ARHGAP10: variants seen among roughly 807,000 people sequenced by gnomAD.
ARHGAP10 encodes Rho GTPase activating protein 10.
In ARHGAP10, 87 loss-of-function variants were observed where a neutral mutation model predicts 108.6. The ratio of observed to expected loss-of-function variants is 0.80; its 90% CI spans 0.67 to 0.96. The LOEUF (loss-of-function observed/expected upper bound fraction) is 0.96, where lower values mean the gene tolerates loss of function less well. ARHGAP10 is among the 40% of genes least tolerant of loss of function. The probability of loss-of-function intolerance (pLI) is 0.00; values close to 1 mark genes in which losing one functional copy is unlikely to be tolerated. For synonymous variants in ARHGAP10, 347 were observed against 341.1 expected (o/e 1.02, Z -0.19); for missense variants, 939 against 954.5 (o/e 0.98, Z 0.21).
chr4:147,999,926 GTTTTTTTTT>G (rs11298127), intron 18 of ARHGAP10, among the ~76,000 whole-genome samples: 1 of 143,456 alleles, frequency 7.0e-6, no homozygotes, highest in Non-Finnish European at 1.5e-5. Context: ...TATTAACAGT[GTTTTTTTTT>G]TTTTTTAAAT....
At chr4:147,911,824 AT>A (rs1265486175) in intron 12 of ARHGAP10, among the ~76,000 whole-genome samples, 2 of 152,100 alleles carry the variant, frequency 1.3e-5, no homozygotes, top group Non-Finnish European at 2.9e-5. Flanking sequence ...TATTATGAAA[AT>A]AATAAAATAT....
chr4:147,881,403 T>C (rs13151898), intron 9 of ARHGAP10, among the ~76,000 whole-genome samples: 31,056 of 152,012 alleles, frequency 0.2, 5,294 homozygotes, highest in African/African-American at 0.47. Flanking sequence ...TTTGGGAGGC[T>C]GAGGCGGGTG....
chr4:147,747,238 A>C (rs1175277724), intron 1 of ARHGAP10, among the ~76,000 whole-genome samples: 1 of 152,042 alleles, frequency 6.6e-6, no homozygotes. Context: ...GGATGTCTAC[A>C]GGGAATAAAA....
chr4:147,976,704 C>T (rs1291492812), intron 18 of ARHGAP10, among the ~76,000 whole-genome samples: 4 of 152,068 alleles, frequency 2.6e-5, no homozygotes, highest in Non-Finnish European at 5.9e-5. Context: ...TTTTCTTTAG[C>T]TGTGGCATTG....
chr4:147,964,210 A>G (rs71616574), intron 16 of ARHGAP10, among the ~76,000 whole-genome samples: 453 of 151,964 alleles, frequency 3.0e-3, no homozygotes, highest in Non-Finnish European at 4.5e-3. Context: ...TACAGGCTGT[A>G]CTCTCCTGCC....
chr4:147,784,707 T>C (rs1321716741), intron 1 of ARHGAP10, among the ~76,000 whole-genome samples: 1 of 84,480 alleles, frequency 1.2e-5, no homozygotes, highest in Non-Finnish European at 2.1e-5. Flanking sequence ...ATAAAATATA[T>C]ATTATAAATA....
intron 10 of ARHGAP10, among the ~76,000 whole-genome samples, chr4:147,896,257 T>C (rs190878725): frequency 5.7e-4 from 87 of 152,316 alleles, no homozygotes; most frequent in African/African-American, 2.0e-3. Flanking sequence ...TCTTCACTGT[T>C]TTTTCATAAA....
At chr4:147,885,991 A>G (rs1432243718) in intron 10 of ARHGAP10, among the ~76,000 whole-genome samples, 1 of 152,220 alleles carries the variant, frequency 6.6e-6, no homozygotes, top group African/African-American at 2.4e-5. Flanking sequence ...ACCTGACCTC[A>G]TGTGATGGGT....
Position 147,732,397 on chromosome 4 carries a change from C to G in ARHGAP10, c.96C>G (p.Thr32=), listed in dbSNP as rs1728249811. 2.5e-6 allele frequency: 4 copies of G among 1,613,426 alleles called. No homozygotes were observed. The highest frequency in any genetic ancestry group is 3.4e-6 in the Non-Finnish European group (4 of 1,179,634). The change falls in exon 1 of 23, where the codon ACC becomes ACG. Residue 32 remains threonine (T), a synonymous_variant. Transcript: ENST00000336498. ...IRAHEAELER[T]NKFIKELIKD... ...CTCACGAAGCGGAACTCGAGAGGAC[C>G]AACAAGTTCATCAAAGAGCTCATTA...
chr4:147,734,564 A>G (rs1337836460), intron 1 of ARHGAP10, among the ~76,000 whole-genome samples: 1 of 152,108 alleles, frequency 6.6e-6, no homozygotes, highest in Non-Finnish European at 1.5e-5. Flanking sequence ...CATAAAGTTT[A>G]CTTCTAGTTC....
chr4:147,811,924 A>G (rs1420596593), intron 1 of ARHGAP10, among the ~76,000 whole-genome samples: 1 of 152,226 alleles, frequency 6.6e-6, no homozygotes, highest in Non-Finnish European at 1.5e-5. Context: ...GGGAGGGTGT[A>G]AGCAAGGTGG....
chr4:147,983,036 T>C (rs1339968081), intron 18 of ARHGAP10, among the ~76,000 whole-genome samples: 2 of 151,816 alleles, frequency 1.3e-5, no homozygotes, highest in Non-Finnish European at 2.9e-5. Context: ...TGCATGACCA[T>C]GCACTGCTAA....
chr4:148,001,298 G>A lies in ARHGAP10; in HGVS notation c.1717-21965G>A, dbSNP rs1740709273. On this transcript the variant is annotated intron_variant, in intron 18 of 22. Transcript: ENST00000336498. The stretch of plus-strand genomic sequence containing the variant: ...ATCTCTGTTTTGGTACCAGTACCAT[G>A]CTGTTTTGGTTACTGTAGCCTTGTA... Among the ~76,000 whole-genome samples the A allele has an allele frequency of 2.0e-5, 3 of 152,184 alleles. No homozygotes were observed. The South Asian group carries it at 6.2e-4, about 32-fold the overall frequency.
At chr4:148,001,473 G>A (rs1047470644) in intron 18 of ARHGAP10, among the ~76,000 whole-genome samples, 4 of 152,084 alleles carry the variant, frequency 2.6e-5, no homozygotes, top group Admixed American at 6.5e-5. Flanking sequence ...AGCTTGATGG[G>A]GATGGCATTG....
intron 13 of ARHGAP10, among the ~76,000 whole-genome samples, chr4:147,936,842 C>G (rs1434107687): frequency 6.6e-6 from 1 of 152,132 alleles, no homozygotes; most frequent in African/African-American, 2.4e-5. Context: ...TCAGGGGTCC[C>G]CAATCCCCAG....
intron 14 of ARHGAP10, among the ~76,000 whole-genome samples, chr4:147,942,417 T>C (rs985531429): frequency 2.0e-5 from 3 of 152,226 alleles, no homozygotes; most frequent in African/African-American, 7.2e-5. Context: ...TTAAAGTGTT[T>C]TAAGTCTTAT....
chr4:147,815,756 C>T (rs72955555), intron 1 of ARHGAP10, among the ~76,000 whole-genome samples: 1,781 of 152,212 alleles, frequency 0.012, 29 homozygotes, highest in African/African-American at 0.04. Context: ...GTCCCAGCTA[C>T]TCAAGAGGTT....
chr4:147,890,327 AT>A (rs1178864047), intron 10 of ARHGAP10, among the ~76,000 whole-genome samples: 4 of 151,978 alleles, frequency 2.6e-5, no homozygotes, highest in African/African-American at 7.3e-5. Flanking sequence ...TGTGTGCTTC[AT>A]TTTTTTCTCC....
At chr4:148,070,969 G>T (rs1319545823) in intron 22 of ARHGAP10, among the ~76,000 whole-genome samples, 3 of 152,202 alleles carry the variant, frequency 2.0e-5, no homozygotes, top group Admixed American at 1.3e-4. Flanking sequence ...TTTTCTCGTT[G>T]AGTATCACGT....
Sources: gnomAD v4.1 joint callset for allele counts (sites outside exome capture counted in the v4.1 genomes callset) on GRCh38, gnomAD v4.1.1 for gene constraint, MANE v1.5 for transcripts, NCBI Gene and HGNC (gene_info 2026-07-23, HGNC 2026-07-21) for gene names.